MAML2: variants seen among roughly 807,000 people sequenced by gnomAD.
MAML2 encodes mastermind like transcriptional coactivator 2.
MAML2 carries 22 observed loss-of-function variants against 96.1 expected under a neutral mutation model. The ratio of observed to expected loss-of-function variants is 0.23; its 90% CI spans 0.16 to 0.33. The LOEUF (loss-of-function observed/expected upper bound fraction) is 0.33, where lower values mean the gene tolerates loss of function less well. Among genes scored for constraint, MAML2 ranks in the 10% least tolerant of loss-of-function variants. The pLI, the probability that MAML2 is intolerant of heterozygous loss-of-function variation, is 1.00. For synonymous variants in MAML2, 561 were observed against 521.3 expected, an observed-to-expected ratio of 1.08 and a Z score of -1.04; for missense variants, 1,367 against 1,392.4, an observed-to-expected ratio of 0.98 and a Z score of 0.29.
intron 1 of MAML2, among the ~76,000 whole-genome samples, chr11:96,142,471 A>G (rs928524787): frequency 2.6e-5 from 4 of 152,232 alleles, no homozygotes; most frequent in African/African-American, 9.6e-5. Context: ...TTGAGAAAAT[A>G]CCATGGTAAG....
At chr11:96,117,591 T>C (rs1464349279) in intron 1 of MAML2, among the ~76,000 whole-genome samples, 1 of 152,172 alleles carries the variant, frequency 6.6e-6, no homozygotes, top group African/African-American at 2.4e-5. Context: ...TGAGCCACCA[T>C]GCCCAGCACA....
intron 2 of MAML2, among the ~76,000 whole-genome samples, chr11:96,086,898 C>T (rs1565209704): frequency 6.6e-6 from 1 of 152,098 alleles, no homozygotes; most frequent in African/African-American, 2.4e-5. Context: ...AAATTTTTCC[C>T]GAGGTGGTGA....
intron 3 of MAML2, among the ~76,000 whole-genome samples, chr11:95,989,850 C>T (rs951877907): frequency 1.3e-5 from 2 of 152,162 alleles, no homozygotes; most frequent in African/African-American, 4.8e-5. Context: ...TTTCACATGC[C>T]CTGAATACGA....
intron 1 of MAML2, among the ~76,000 whole-genome samples, chr11:96,194,633 C>G (rs1387171133): frequency 6.6e-6 from 1 of 152,134 alleles, no homozygotes; most frequent in African/African-American, 2.4e-5. Context: ...TGAAATGTTG[C>G]CTTCTTTTGT....
chr11:96,105,277 T>C (rs1203948677), intron 1 of MAML2, among the ~76,000 whole-genome samples: 1 of 152,194 alleles, frequency 6.6e-6, no homozygotes, highest in African/African-American at 2.4e-5. Flanking sequence ...TCCAACAGCA[T>C]GTCTATTGTT....
chr11:96,233,530 C>A (rs1862326011), intron 1 of MAML2, among the ~76,000 whole-genome samples: 1 of 152,050 alleles, frequency 6.6e-6, no homozygotes, highest in South Asian at 2.1e-4. Context: ...GCCTCAGCCA[C>A]CTTAGTAGCT....
At chr11:96,176,129 G>T (rs1175413467) in intron 1 of MAML2, among the ~76,000 whole-genome samples, 2 of 152,130 alleles carry the variant, frequency 1.3e-5, no homozygotes, top group African/African-American at 4.8e-5. Context: ...ATGCGGTTCA[G>T]AGATGCTGGG....
At chr11:96,296,221 T>C (rs1863297161) in intron 1 of MAML2, among the ~76,000 whole-genome samples, 1 of 151,994 alleles carries the variant, frequency 6.6e-6, no homozygotes, top group South Asian at 2.1e-4. Flanking sequence ...TTAAAAAATG[T>C]TAGGTACAAC....
chr11:96,077,037 T>C (rs1859451156), intron 2 of MAML2, among the ~76,000 whole-genome samples: 1 of 152,130 alleles, frequency 6.6e-6, no homozygotes, highest in Non-Finnish European at 1.5e-5. Flanking sequence ...ATGGAGATAT[T>C]TGTGAGAATG....
At chr11:96,057,065 G>A (rs991715293) in intron 2 of MAML2, among the ~76,000 whole-genome samples, 2 of 151,932 alleles carry the variant, frequency 1.3e-5, no homozygotes, top group African/African-American at 4.8e-5. Context: ...AAGTATAAAA[G>A]GTTTGCCCCC....
At chr11:96,198,060 G>GA (rs1368304790) in intron 1 of MAML2, among the ~76,000 whole-genome samples, 2 of 152,200 alleles carry the variant, frequency 1.3e-5, no homozygotes, top group Admixed American at 6.5e-5. Flanking sequence ...GAAAACCATT[G>GA]AAAAGGATTA....
chr11:96,327,166 G>A (rs948473872), intron 1 of MAML2, among the ~76,000 whole-genome samples: 7 of 152,230 alleles, frequency 4.6e-5, no homozygotes, highest in East Asian at 1.9e-4. Context: ...AATCCTGTAC[G>A]ACAAGAATAA....
intron 2 of MAML2, among the ~76,000 whole-genome samples, chr11:96,012,120 G>A (rs1692866759): frequency 6.6e-6 from 1 of 152,096 alleles, no homozygotes. Context: ...CCTGTTCTCC[G>A]TTTTTGAGCT....
chr11:96,124,490 C>T (rs1340935985), intron 1 of MAML2, among the ~76,000 whole-genome samples: 8 of 152,196 alleles, frequency 5.3e-5, no homozygotes, highest in Admixed American at 5.2e-4. Context: ...GCCCCAATTT[C>T]CTCATCTGTT....
chr11:96,245,793 C>T (rs1862503496), intron 1 of MAML2, among the ~76,000 whole-genome samples: 1 of 151,524 alleles, frequency 6.6e-6, no homozygotes, highest in Non-Finnish European at 1.5e-5. Context: ...CAACCTCTGC[C>T]TCCGGGGTTC....
chr11:96,241,946 G>C (rs1286151385), intron 1 of MAML2, among the ~76,000 whole-genome samples: 2 of 152,094 alleles, frequency 1.3e-5, no homozygotes, highest in African/African-American at 4.8e-5. Flanking sequence ...TTCAGTTCAG[G>C]GTTCAGCAAA....
chr11:96,040,271 A>G (rs10831469), intron 2 of MAML2, among the ~76,000 whole-genome samples: 50,555 of 152,096 alleles, frequency 0.33, 9,262 homozygotes, highest in East Asian at 0.57. Context: ...ATATTAGAAG[A>G]TGGCAAGCAT....
chr11:96,297,054 A>G (rs1863312109), intron 1 of MAML2, among the ~76,000 whole-genome samples: 1 of 152,110 alleles, frequency 6.6e-6, no homozygotes, highest in African/African-American at 2.4e-5. Context: ...CATCATAGGT[A>G]CTGTCAGCCA....
chr11:95,994,430 T>C (rs1857960159), intron 2 of MAML2, among the ~76,000 whole-genome samples: 1 of 152,166 alleles, frequency 6.6e-6, no homozygotes, highest in African/African-American at 2.4e-5. Context: ...AGACAAGTAC[T>C]TGAGGGTCAT....
Sources: gnomAD v4.1 joint callset for allele counts (sites outside exome capture counted in the v4.1 genomes callset) on GRCh38, gnomAD v4.1.1 for gene constraint, MANE v1.5 for transcripts, NCBI Gene and HGNC (gene_info 2026-07-23, HGNC 2026-07-21) for gene names.